LAMA1: variants seen among roughly 807,000 people sequenced by gnomAD.
LAMA1 encodes laminin subunit alpha 1, also known as laminin subunit alpha-1.
LAMA1 carries 219 observed loss-of-function variants against 348.7 expected under a neutral mutation model. The observed-to-expected ratio is 0.63, with a 90% confidence interval of 0.56 to 0.70. The LOEUF is 0.70. LAMA1 is among the 30% of genes least tolerant of loss of function. The probability of loss-of-function intolerance (pLI) is 0.00; values close to 1 mark genes in which losing one functional copy is unlikely to be tolerated. For missense variants in LAMA1, 3,744 were observed against 3,888.0 expected, an observed-to-expected ratio of 0.96 and a Z score of 0.99; for synonymous variants, 1,487 against 1,491.0, an observed-to-expected ratio of 1.00 and a Z score of 0.06.
At position 7,025,415 on chromosome 18, in the gene LAMA1, C is replaced by G. The variant is rs567032435; in HGVS notation, c.2402+564G>C. Among the ~76,000 whole-genome samples, 20 of 152,336 alleles carry G rather than the reference C, an allele frequency of 1.3e-4. No individual in the cohort carries two copies. In the East Asian group the frequency reaches 3.5e-3, roughly 26 times the overall value. ...GGCTGGACACTGCTCTCCCTCCTCC[C>G]CACCATCTGGTGGACAGGCCTCACT... On this transcript the variant is annotated intron_variant, in intron 17 of 62. Coordinates refer to ENST00000389658, the MANE Select transcript of LAMA1 (RefSeq NM_005559.4).
intron 50 of LAMA1, 52 bp from the exon 51 acceptor site, chr18:6,964,855 T>C (rs2057625445): frequency 6.2e-7 from 1 of 1,606,326 alleles, no homozygotes; most frequent in Non-Finnish European, 8.5e-7. Flanking sequence ...CCTTTCCATG[T>C]TAAGGTAAAA....
intron 3 of LAMA1, among the ~76,000 whole-genome samples, chr18:7,067,470 GAA>G (rs11290664): frequency 1.8e-4 from 25 of 142,738 alleles, no homozygotes; most frequent in Admixed American, 2.8e-4. Flanking sequence ...CTTCCAAAGT[GAA>G]AAAAAAAAAA....
intron 1 of LAMA1, among the ~76,000 whole-genome samples, chr18:7,098,674 G>A (rs905632479): frequency 6.6e-6 from 1 of 151,222 alleles, no homozygotes; most frequent in African/African-American, 2.4e-5. Context: ...TCTGGGAAGT[G>A]AGGAGCGTCT....
chr18:6,973,170 T>C lies in LAMA1; in HGVS notation c.6661A>G (p.Ser2221Gly), dbSNP rs779118345. ...NIGSLSVKEMSSNQKSPTKTS... is the reference protein window; with the variant it reads ...NIGSLSVKEMGSNQKSPTKTS... ...TTTGTTGGTGACTTTTGATTTGAGCTCATTTCCTTTACACTCAGTGAACCA... is the reference window on the plus strand; with the variant it reads ...TTTGTTGGTGACTTTTGATTTGAGCCCATTTCCTTTACACTCAGTGAACCA... The change falls in exon 47 of 63, where the codon AGC (serine) becomes GGC (glycine). Residue 2221 changes from serine (S) to glycine (G), a missense_variant. This residue lies in a region of LAMA1 where 1,983 missense variants were observed against 1,934.3 expected (regional missense o/e 1.03). Coordinates refer to ENST00000389658, the MANE Select transcript of LAMA1 (RefSeq NM_005559.4). The C allele has an allele frequency of 2.5e-6, 4 of 1,614,086 alleles. No individual in the cohort carries two copies. The highest frequency in any genetic ancestry group is 2.5e-6 in the Non-Finnish European group (3 of 1,180,016).
At chr18:7,017,800 A>C (rs1487872951) in intron 19 of LAMA1, among the ~76,000 whole-genome samples, 1 of 152,214 alleles carries the variant, frequency 6.6e-6, no homozygotes, top group Non-Finnish European at 1.5e-5. Context: ...AAATAAGTAC[A>C]TATTAATATT....
intron 48 of LAMA1, among the ~76,000 whole-genome samples, chr18:6,969,102 C>A (rs1266481789): frequency 6.6e-6 from 1 of 151,850 alleles, no homozygotes; most frequent in Non-Finnish European, 1.5e-5. Flanking sequence ...ATCAGCACTT[C>A]ACAAAATATG....
At chr18:6,989,357 C>T (rs992626237) in intron 36 of LAMA1, among the ~76,000 whole-genome samples, 2 of 152,128 alleles carry the variant, frequency 1.3e-5, no homozygotes, top group Non-Finnish European at 2.9e-5. Flanking sequence ...CCTGGTGAAA[C>T]TCTGAATGTG....
At chr18:7,052,152 G>A (rs1465167445) in intron 3 of LAMA1, among the ~76,000 whole-genome samples, 1 of 152,140 alleles carries the variant, frequency 6.6e-6, no homozygotes, top group Admixed American at 6.5e-5. Flanking sequence ...TTACTGGCCG[G>A]GTTCAGTGGT....
At chr18:7,095,058 CTT>C (rs1055938660) in intron 1 of LAMA1, among the ~76,000 whole-genome samples, 3 of 146,848 alleles carry the variant, frequency 2.0e-5, no homozygotes, top group South Asian at 2.1e-4. Context: ...AGCAATATCC[CTT>C]GACTGTTTTT....
At chr18:7,067,549 G>C (rs917387283) in intron 3 of LAMA1, among the ~76,000 whole-genome samples, 1 of 152,068 alleles carries the variant, frequency 6.6e-6, no homozygotes, top group Non-Finnish European at 1.5e-5. Flanking sequence ...GGCTGGGAAG[G>C]GGGTGGGGGA....
At chr18:6,993,542 G>A (rs575638804) in intron 35 of LAMA1, 99 bp downstream of exon 35, 92 of 931,176 alleles carry the variant, frequency 9.9e-5, no homozygotes, top group South Asian at 7.9e-4. Context: ...CCGGAAACCC[G>A]ATGCAAGAGA....
Position 7,034,557 on chromosome 18 carries a change from T to C in LAMA1, c.1973A>G (p.Gln658Arg), listed in dbSNP as rs1178019108. 3 of 1,614,200 alleles carry C rather than the reference T, an allele frequency of 1.9e-6. No individual in the cohort carries two copies. Among genetic ancestry groups the C allele is most frequent in the Non-Finnish European group, 8.5e-7 (1 of 1,180,032 alleles). The change falls in exon 14 of 63, where the codon CAG becomes CGG. Residue 658 changes from glutamine (Q) to arginine (R), a missense_variant. Physicochemically the swap from Gln to Arg is conservative, Grantham distance 43. Transcript: ENST00000389658. ...FHSKRQIDRD[Q>R]LMTVLANVTH... ...CACATTGGCAAGGACAGTCATCAGC[T>C]GGTCACGATCAATCTGCCTTTTGCT...
At chr18:7,024,500 A>T (rs2144144235) in intron 17 of LAMA1, 34 bp from the exon 18 acceptor site, 1 of 1,549,520 alleles carries the variant, frequency 6.5e-7, no homozygotes, top group African/African-American at 1.4e-5. Context: ...AAAATTTTCC[A>T]ATGGATGAAG....
chr18:7,052,179 AG>A (rs1269949938), intron 3 of LAMA1, among the ~76,000 whole-genome samples: 2 of 152,200 alleles, frequency 1.3e-5, no homozygotes, highest in African/African-American at 4.8e-5. Flanking sequence ...CTGTAATCCC[AG>A]CACTTTGGGA....
chr18:7,103,299 G>A (rs920038132), intron 1 of LAMA1, among the ~76,000 whole-genome samples: 24 of 152,084 alleles, frequency 1.6e-4, no homozygotes, highest in African/African-American at 5.8e-4. Context: ...CAGCTACTCG[G>A]GAGGCTGAGG....
At chr18:7,115,822 A>C (rs1422687325) in intron 1 of LAMA1, among the ~76,000 whole-genome samples, 6 of 149,342 alleles carry the variant, frequency 4.0e-5, no homozygotes, top group South Asian at 2.1e-4. Flanking sequence ...TACAAAAAAA[A>C]AAAAAAAAAA....
intron 5 of LAMA1, among the ~76,000 whole-genome samples, chr18:7,047,390 T>C (rs1278879661): frequency 6.6e-6 from 1 of 152,150 alleles, no homozygotes; most frequent in Non-Finnish European, 1.5e-5. Flanking sequence ...ACAAGACCTT[T>C]TCAAATAAAC....
intron 45 of LAMA1, among the ~76,000 whole-genome samples, chr18:6,975,360 T>A (rs2144035878): frequency 6.6e-6 from 1 of 152,212 alleles, no homozygotes; most frequent in East Asian, 1.9e-4. Flanking sequence ...CTGAGCTTGC[T>A]CCTTTGCCCA....
At chr18:7,015,947 G>A in intron 21 of LAMA1, 89 bp from the exon 22 acceptor site, 1 of 1,500,556 alleles carries the variant, frequency 6.7e-7, no homozygotes, top group Non-Finnish European at 9.2e-7. Context: ...TTTATTAAGA[G>A]TCCAAGCCAC....
Sources: allele counts gnomAD v4.1 joint callset (sites outside exome capture counted in the v4.1 genomes callset), GRCh38; gene constraint gnomAD v4.1.1; regional missense constraint gnomAD v4.1.1; transcripts MANE v1.5; gene names NCBI Gene and HGNC (gene_info 2026-07-23, HGNC 2026-07-21).